Variants in RBFOX1 observed in about 807,000 individuals in gnomAD.
RBFOX1 encodes the protein RNA binding fox-1 homolog 1.
RBFOX1 carries 8 observed loss-of-function variants against 57.7 expected under a neutral mutation model. That is an observed-to-expected ratio of 0.14 (90% CI 0.08 to 0.25). RBFOX1 has a LOEUF of 0.25. Among genes scored for constraint, RBFOX1 ranks in the 10% least tolerant of loss-of-function variants. The pLI is 1.00. For missense variants in RBFOX1, 611 were observed against 548.5 expected, an observed-to-expected ratio of 1.11 and a Z score of -1.14; for synonymous variants, 326 against 222.4, an observed-to-expected ratio of 1.47 and a Z score of -4.15.
chr16:7,695,341 A>C (rs1462622281), intron 14 of RBFOX1, among the ~76,000 whole-genome samples: 1 of 152,170 alleles, frequency 6.6e-6, no homozygotes, highest in East Asian at 1.9e-4. Context: ...CAGTCAACAA[A>C]GGTTGTAACT....
chr16:6,984,520 G>A (rs1400027337), intron 3 of RBFOX1, among the ~76,000 whole-genome samples: 1 of 152,156 alleles, frequency 6.6e-6, no homozygotes, highest in African/African-American at 2.4e-5. Context: ...CTCACCTTTA[G>A]TAGTCACTAA....
intron 2 of RBFOX1, among the ~76,000 whole-genome samples, chr16:6,423,214 T>C (rs907972115): frequency 2.6e-5 from 4 of 152,224 alleles, no homozygotes; most frequent in African/African-American, 9.6e-5. Context: ...GTGTTTGTTG[T>C]ATCTGACCAA....
chr16:7,610,130 T>TTTTTTTTTTTTTTTTTTG (rs2057171280), intron 10 of RBFOX1, among the ~76,000 whole-genome samples: 1 of 132,592 alleles, frequency 7.5e-6, no homozygotes, highest in Non-Finnish European at 1.6e-5. Flanking sequence ...TTTTTTTTTT[T>TTTTTTTTTTTTTTTTTTG]TTTTTTTTTG....
At chr16:6,373,432 G>T (rs2090759418) in intron 2 of RBFOX1, among the ~76,000 whole-genome samples, 3 of 151,866 alleles carry the variant, frequency 2.0e-5, no homozygotes, top group African/African-American at 4.8e-5. Context: ...TTGGGTGGAA[G>T]TATAACTGGA....
At chr16:7,061,987 C>A in intron 4 of RBFOX1, among the ~76,000 whole-genome samples, 1 of 152,086 alleles carries the variant, frequency 6.6e-6, no homozygotes, top group Non-Finnish European at 1.5e-5. Context: ...ACTCTCCTTT[C>A]CTGATGATGC....
At chr16:6,880,314 G>C (rs2062677272) in intron 3 of RBFOX1, among the ~76,000 whole-genome samples, 1 of 152,212 alleles carries the variant, frequency 6.6e-6, no homozygotes, top group Admixed American at 6.5e-5. Flanking sequence ...GAGGCAGCCA[G>C]AGAGACAGCC....
intron 2 of RBFOX1, among the ~76,000 whole-genome samples, chr16:6,491,317 G>A (rs969142021): frequency 7.2e-5 from 11 of 151,898 alleles, no homozygotes; most frequent in South Asian, 2.1e-4. Context: ...GAATACTTCC[G>A]CATCTTAAGG....
chr16:5,728,502 C>G (rs1037523843), intron 3 of RBFOX1, among the ~76,000 whole-genome samples: 10 of 152,136 alleles, frequency 6.6e-5, no homozygotes, highest in African/African-American at 2.4e-4. Context: ...GCTGTGGGAG[C>G]AAATGCCCTC....
At chr16:6,131,562 C>G (rs2096629832) in intron 1 of RBFOX1, among the ~76,000 whole-genome samples, 1 of 152,208 alleles carries the variant, frequency 6.6e-6, no homozygotes. Context: ...ATCTATTCCA[C>G]TCCCCAGATG....
intron 4 of RBFOX1, among the ~76,000 whole-genome samples, chr16:7,380,518 G>C (rs556126757): frequency 6.6e-6 from 1 of 152,098 alleles, no homozygotes; most frequent in Non-Finnish European, 1.5e-5. Context: ...TCATCTTTCA[G>C]TGTACTGTAA....
intron 4 of RBFOX1, among the ~76,000 whole-genome samples, chr16:7,131,428 G>C (rs1168454410): frequency 7.2e-6 from 1 of 138,574 alleles, no homozygotes. Context: ...TTAAGTTATA[G>C]TTGGCCACTT....
At chr16:7,575,824 T>C (rs7196554) in intron 5 of RBFOX1, among the ~76,000 whole-genome samples, 3 of 152,046 alleles carry the variant, frequency 2.0e-5, no homozygotes, top group Non-Finnish European at 2.9e-5. Context: ...TGGAGGGCTT[T>C]GTGATGATCT....
At chr16:5,740,876 C>T (rs1165334818) in intron 3 of RBFOX1, among the ~76,000 whole-genome samples, 1 of 152,072 alleles carries the variant, frequency 6.6e-6, no homozygotes, top group Non-Finnish European at 1.5e-5. Flanking sequence ...GGACAGATGA[C>T]CATGGTGGCA....
At chr16:6,975,419 C>A (rs1341510416) in intron 3 of RBFOX1, among the ~76,000 whole-genome samples, 1 of 152,140 alleles carries the variant, frequency 6.6e-6, no homozygotes, top group Non-Finnish European at 1.5e-5. Flanking sequence ...GCACATACCA[C>A]CATACCCAGT....
intron 4 of RBFOX1, among the ~76,000 whole-genome samples, chr16:7,142,422 C>G (rs952067352): frequency 2.6e-5 from 4 of 152,128 alleles, no homozygotes; most frequent in African/African-American, 9.7e-5. Context: ...TCGTGTCACT[C>G]TTCCATCAGC....
At chr16:5,433,968 G>C (rs1481443270) in intron 1 of RBFOX1, among the ~76,000 whole-genome samples, 1 of 152,106 alleles carries the variant, frequency 6.6e-6, no homozygotes, top group Non-Finnish European at 1.5e-5. Context: ...GAATCACCTG[G>C]GGGAGTTTGT....
intron 4 of RBFOX1, among the ~76,000 whole-genome samples, chr16:7,398,950 C>G (rs1221719207): frequency 6.6e-6 from 1 of 152,190 alleles, no homozygotes. Flanking sequence ...AATTTACTCT[C>G]TTCCAATTGG....
intron 3 of RBFOX1, among the ~76,000 whole-genome samples, chr16:6,828,066 C>G (rs1445731268): frequency 6.6e-6 from 1 of 152,082 alleles, no homozygotes; most frequent in Non-Finnish European, 1.5e-5. Flanking sequence ...GATTAAAAGC[C>G]TCTAAGATGC....
At chr16:7,201,449 ATTC>A (rs1411509624) in intron 4 of RBFOX1, among the ~76,000 whole-genome samples, 3 of 116,946 alleles carry the variant, frequency 2.6e-5, no homozygotes, top group African/African-American at 1.2e-4. Context: ...CCACGATCTG[ATTC>A]TTTTTTTTTT....
Sources: allele counts gnomAD v4.1 joint callset (sites outside exome capture counted in the v4.1 genomes callset), GRCh38; gene constraint gnomAD v4.1.1; transcripts MANE v1.5; gene names NCBI Gene and HGNC (gene_info 2026-07-23, HGNC 2026-07-21).